The following RMND5A variants were observed in gnomAD, a reference collection of about 807,000 sequenced individuals.
RMND5A encodes E3 ubiquitin-protein transferase RMND5A.
A neutral mutation model predicts 49.7 loss-of-function variants in RMND5A; 17 were observed. The observed-to-expected ratio is 0.34, with a 90% CI of 0.23 to 0.51. The LOEUF (loss-of-function observed/expected upper bound fraction) is 0.51, where lower values mean the gene tolerates loss of function less well. Ranked by LOEUF, RMND5A falls within the 20% of genes least tolerant of loss-of-function variation. The pLI, the probability that RMND5A is intolerant of heterozygous loss-of-function variation, is 0.96. For synonymous variants in RMND5A, 156 were observed against 167.7 expected (o/e 0.93, Z 0.54); for missense variants, 255 against 471.3 (o/e 0.54, Z 4.25).
At position 86,720,730 on chromosome 2, in the gene RMND5A, C is replaced by T. The variant is rs768208187; in HGVS notation, c.63C>T (p.Tyr21=). The T allele has an allele frequency of 7.6e-6, 12 of 1,588,920 alleles. No individual in the cohort carries two copies. Among genetic ancestry groups the T allele is most frequent in the South Asian group, 4.6e-5 (4 of 87,794 alleles). The change falls in exon 1 of 9, where the codon TAC becomes TAT. Residue 21 remains tyrosine, a synonymous_variant. Transcript: ENST00000283632. ...LEKVLHKFSG[Y]GQLCERGLEE... ...AGGTGCTGCACAAGTTCTCAGGCTA[C>T]GGGCAGCTGTGCGAGCGCGGCCTGG...
Position 86,763,123 on chromosome 2 carries a change from GT to G in RMND5A, c.522-1897del, listed in dbSNP as rs1241933025. Among the ~76,000 whole-genome samples, 3 of 152,074 alleles carry G rather than the reference GT, an allele frequency of 2.0e-5. No individual in the cohort carries two copies. In the East Asian group the frequency reaches 5.8e-4, roughly 29 times the overall value. On this transcript the variant is annotated intron_variant, in intron 4 of 8. Coordinates refer to ENST00000283632, the MANE Select transcript of RMND5A (RefSeq NM_022780.4). ...CATGAACATATTCCTATGAAAATGA[GT>G]TTTTTTGTGAATTGTCTATTTATGA...
At chr2:86,750,771 G>GTTT (rs35353170) in intron 2 of RMND5A, among the ~76,000 whole-genome samples, 1 of 141,198 alleles carries the variant, frequency 7.1e-6, no homozygotes, top group Non-Finnish European at 1.5e-5. Flanking sequence ...CTGAGGCTCT[G>GTTT]TTTTTTTTTT....
At chr2:86,763,927 C>A (rs556616655) in intron 4 of RMND5A, among the ~76,000 whole-genome samples, 7 of 152,140 alleles carry the variant, frequency 4.6e-5, no homozygotes, top group Non-Finnish European at 8.8e-5. Flanking sequence ...TTAAAAATCA[C>A]TTTGACTTTG....
chr2:86,764,951 T>C, intron 4 of RMND5A, 76 bp from the exon 5 acceptor site: 1 of 1,425,120 alleles, frequency 7.0e-7, no homozygotes, highest in African/African-American at 1.4e-5. Context: ...TTTTTTGTTT[T>C]ACTGGGTTTC....
chr2:86,754,812 C>T (rs919723616), intron 4 of RMND5A, among the ~76,000 whole-genome samples: 1 of 152,270 alleles, frequency 6.6e-6, no homozygotes, highest in Non-Finnish European at 1.5e-5. Flanking sequence ...TCTCCCACCT[C>T]GGCTTCCCAA....
chr2:86,744,683 T>C (rs1681506387), intron 2 of RMND5A, among the ~76,000 whole-genome samples: 1 of 151,866 alleles, frequency 6.6e-6, no homozygotes, highest in Non-Finnish European at 1.5e-5. Context: ...AAGATATTGT[T>C]TGGCTTTTAA....
rs114063402 is a variant in RMND5A, at chr2:86,751,774, C to T, written c.286-122C>T. ...AGTGGAAAAATTCCTTCCTTTGGGACGCTATAAATTGCAGTTGGGTTCTTA... is the reference window on the plus strand; with the variant it reads ...AGTGGAAAAATTCCTTCCTTTGGGATGCTATAAATTGCAGTTGGGTTCTTA... On this transcript the variant is annotated intron_variant, in intron 2 of 8. Coordinates refer to ENST00000283632, the MANE Select transcript of RMND5A (RefSeq NM_022780.4). The T allele has an allele frequency of 2.6e-3, 2,050 of 784,010 alleles. 38 individuals are homozygous for T. In the African/African-American group the frequency reaches 0.031, roughly 12 times the overall value. 48.6% of individuals were successfully genotyped at this position (784,010 alleles called of 1,614,324 possible).
intron 1 of RMND5A, among the ~76,000 whole-genome samples, chr2:86,733,835 G>A: frequency 7.5e-6 from 1 of 133,844 alleles, no homozygotes; most frequent in East Asian, 2.1e-4. Context: ...TGGCCAACCT[G>A]GATGTAGTTA....
chr2:86,758,444 A>G (rs1681786318), intron 4 of RMND5A, among the ~76,000 whole-genome samples: 2 of 151,630 alleles, frequency 1.3e-5, no homozygotes, highest in Admixed American at 6.6e-5. Context: ...CTATGGATGG[A>G]CGTTTGTAGT....
At chr2:86,760,939 A>G (rs1353863653) in intron 4 of RMND5A, among the ~76,000 whole-genome samples, 2 of 150,092 alleles carry the variant, frequency 1.3e-5, no homozygotes, top group African/African-American at 4.9e-5. Flanking sequence ...TGGAACATTT[A>G]CTTCTACTTT....
At chr2:86,756,936 G>A (rs533585346) in intron 4 of RMND5A, among the ~76,000 whole-genome samples, 4 of 152,210 alleles carry the variant, frequency 2.6e-5, no homozygotes, top group Non-Finnish European at 5.9e-5. Context: ...CACTTTGGGA[G>A]GCCAAGGCGG....
At chr2:86,752,697 G>T (rs1369690910) in intron 3 of RMND5A, among the ~76,000 whole-genome samples, 1 of 152,228 alleles carries the variant, frequency 6.6e-6, no homozygotes, top group Non-Finnish European at 1.5e-5. Context: ...CTTTGTGAAA[G>T]AACTGGGATT....
Position 86,726,384 on chromosome 2 carries a change from C to G in RMND5A, c.142+5575C>G, listed in dbSNP as rs1186747598. Among the ~76,000 whole-genome samples the G allele has an allele frequency of 4.1e-4, 26 of 63,448 alleles. 10 individuals are homozygous for G. The highest frequency in any genetic ancestry group is 1.8e-3 in the African/African-American group (25 of 13,878). 41.6% of individuals were successfully genotyped at this position (63,448 alleles called of 152,430 possible). On this transcript the variant is annotated intron_variant, in intron 1 of 8. Coordinates refer to ENST00000283632, the MANE Select transcript of RMND5A (RefSeq NM_022780.4). ...GGTGTGCATGGAGTAGGCCTCATAG[C>G]CAGGTTGCCCATTTGTTACCCAGAC...
chr2:86,755,940 T>A (rs1407533121), intron 4 of RMND5A, among the ~76,000 whole-genome samples: 1 of 152,198 alleles, frequency 6.6e-6, no homozygotes, highest in African/African-American at 2.4e-5. Context: ...TGTCTTAACC[T>A]ATTCAACCCT....
At chr2:86,749,396 CTT>C (rs35530906) in intron 2 of RMND5A, among the ~76,000 whole-genome samples, 1 of 146,642 alleles carries the variant, frequency 6.8e-6, no homozygotes, top group African/African-American at 2.5e-5. Context: ...CTTTTTCTTT[CTT>C]TTTTTTTTTG....
At chr2:86,768,707 C>G (rs922401447) in intron 6 of RMND5A, among the ~76,000 whole-genome samples, 5 of 152,176 alleles carry the variant, frequency 3.3e-5, no homozygotes, top group Admixed American at 1.3e-4. Flanking sequence ...TGACTCTCTT[C>G]AACTGAGGAC....
chr2:86,767,053 G>T (rs1040014558), intron 6 of RMND5A, among the ~76,000 whole-genome samples: 2 of 151,844 alleles, frequency 1.3e-5, no homozygotes, highest in African/African-American at 4.8e-5. Flanking sequence ...TACTTGTTTT[G>T]TTTGTTACTT....
At chr2:86,773,106 T>A (rs1672709983) in intron 8 of RMND5A, among the ~76,000 whole-genome samples, 1 of 152,210 alleles carries the variant, frequency 6.6e-6, no homozygotes, top group Admixed American at 6.5e-5. Context: ...AAAGTTACCT[T>A]TGTTTTGTTT....
intron 2 of RMND5A, chr2:86,748,268 C>T (rs750898525): frequency 5.3e-5 from 8 of 152,144 alleles, no homozygotes; most frequent in Non-Finnish European, 1.0e-4. Flanking sequence ...TGCATTTCCT[C>T]AACCTCTATA....
Sources: gnomAD v4.1 joint callset for allele counts (sites outside exome capture counted in the v4.1 genomes callset) on GRCh38, gnomAD v4.1.1 for gene constraint, MANE v1.5 for transcripts, NCBI Gene and HGNC (gene_info 2026-07-23, HGNC 2026-07-21) for gene names.